Variants in NETO1 observed in about 807,000 individuals in gnomAD.
The protein encoded by NETO1 is neuropilin and tolloid-like protein 1.
Under a neutral mutation model 61.3 loss-of-function variants are expected in NETO1, and 26 were observed. The observed-to-expected ratio is 0.42, with a 90% CI of 0.31 to 0.59. NETO1 has a LOEUF of 0.59. NETO1 is among the 20% of genes least tolerant of loss of function. The pLI, the probability that NETO1 is intolerant of heterozygous loss-of-function variation, is 0.12. For synonymous variants in NETO1, 225 were observed against 225.8 expected (o/e 1.00, Z 0.03); for missense variants, 531 against 662.8 (o/e 0.80, Z 2.18).
At chr18:72,756,715 A>G (rs902598605) in intron 7 of NETO1, among the ~76,000 whole-genome samples, 1 of 152,144 alleles carries the variant, frequency 6.6e-6, no homozygotes, top group Non-Finnish European at 1.5e-5. Context: ...TTTAATATAT[A>G]TGGTGATAAA....
At chr18:72,772,823 CTCTATATATATATA>C (rs1371667346) in intron 7 of NETO1, among the ~76,000 whole-genome samples, 140 of 38,756 alleles carry the variant, frequency 3.6e-3, no homozygotes, top group Non-Finnish European at 4.8e-3. Flanking sequence ...CTCTCTCTCT[CTCTATATATATATA>C]TATATATATA....
chr18:72,825,168 A>C (rs1378161312), intron 4 of NETO1, among the ~76,000 whole-genome samples: 3 of 152,212 alleles, frequency 2.0e-5, no homozygotes, highest in Non-Finnish European at 1.5e-5. Context: ...CTTCGTAAAG[A>C]AAAACAATCT....
chr18:72,776,151 A>G (rs1052899089), intron 7 of NETO1, among the ~76,000 whole-genome samples: 2 of 152,212 alleles, frequency 1.3e-5, no homozygotes, highest in Non-Finnish European at 2.9e-5. Flanking sequence ...CTTTGTTGCA[A>G]CACAGTGGAG....
At chr18:72,787,513 T>C (rs1234605122) in intron 6 of NETO1, among the ~76,000 whole-genome samples, 1 of 152,164 alleles carries the variant, frequency 6.6e-6, no homozygotes, top group African/African-American at 2.4e-5. Context: ...TCAACAAATA[T>C]TTAAAATTTC....
intron 4 of NETO1, chr18:72,835,406 T>G: frequency 8.8e-7 from 1 of 1,132,764 alleles, no homozygotes; most frequent in Non-Finnish European, 1.3e-6. Context: ...TAACAGCTGT[T>G]TGGGTAATAC....
intron 4 of NETO1, among the ~76,000 whole-genome samples, chr18:72,843,762 T>C (rs1049325437): frequency 2.6e-5 from 4 of 152,188 alleles, no homozygotes; most frequent in African/African-American, 9.7e-5. Context: ...ATAAAGCGTA[T>C]TTTTAGGGTC....
chr18:72,789,541 T>C (rs2072043645), intron 6 of NETO1, among the ~76,000 whole-genome samples: 1 of 152,182 alleles, frequency 6.6e-6, no homozygotes, highest in African/African-American at 2.4e-5. Context: ...CTTGGTTTAT[T>C]GCATTAATAT....
intron 4 of NETO1, chr18:72,834,892 TTA>T: frequency 1.1e-5 from 9 of 830,120 alleles, no homozygotes; most frequent in Non-Finnish European, 1.3e-5. Context: ...TCGAAAAAGA[TTA>T]TATAATTATA....
chr18:72,813,653 T>C (rs1023810405), intron 4 of NETO1, among the ~76,000 whole-genome samples: 7 of 152,072 alleles, frequency 4.6e-5, no homozygotes, highest in African/African-American at 7.2e-5. Flanking sequence ...AAAATCACAG[T>C]AATTGCAATA....
chr18:72,749,175 A>G, intron 9 of NETO1, 87 bp from the exon 10 acceptor site: 2 of 842,484 alleles, frequency 2.4e-6, no homozygotes, highest in South Asian at 2.8e-5. Context: ...GCATTTTTAA[A>G]ATTCAGAAAA....
In NETO1 at chr18:72,867,896, G is replaced by C. The variant is rs955021030; in HGVS notation, c.-605C>G. Reference sequence around the variant, plus strand: ...TCCAGCGGCAGCGCTCCTCGCTCCAGCCCTTGGGGATCTTCCGCTGAGGCA... The same window carrying C: ...TCCAGCGGCAGCGCTCCTCGCTCCACCCCTTGGGGATCTTCCGCTGAGGCA... On this transcript the variant is annotated 5_prime_UTR_variant, in exon 1 of 11. Transcript: ENST00000327305. 3.3e-4 allele frequency: 51 copies of C among 152,714 alleles called. No individual in the cohort carries two copies. The highest frequency in any genetic ancestry group is 6.6e-4 in the Non-Finnish European group (45 of 68,056). The allele number at this position is 152,714 out of a possible 1,614,324, so 9.5% of individuals were successfully genotyped here. A position where few individuals can be genotyped will look rare whatever the true frequency, so the allele number is the denominator to read the frequency against.
Position 72,783,752 on chromosome 18 carries a change from C to G in NETO1, c.794G>C (p.Gly265Ala), listed in dbSNP as rs2057929347. Residue 265 changes from glycine (G) to alanine (A), a missense_variant, in exon 7 of 11, where the codon GGG becomes GCG. By Grantham distance (60) the Gly-to-Ala change is moderately conservative. Coordinates refer to ENST00000327305, the MANE Select transcript of NETO1 (RefSeq NM_138966.5). ...ANDVMLRTGL[G>A]VIRMWADEGS... ...CTCATCTGCCCACATGCGGATCACC[C>G]CAAGACCCGTGCGTAGCATGACATC... 6.2e-7 allele frequency: 1 copy of G among 1,614,170 alleles called. No homozygotes were observed. The highest frequency in any genetic ancestry group is 1.3e-5 in the African/African-American group (1 of 75,038).
chr18:72,765,285 G>A (rs532024374), intron 7 of NETO1, among the ~76,000 whole-genome samples: 1 of 152,262 alleles, frequency 6.6e-6, no homozygotes, highest in Admixed American at 6.5e-5. Flanking sequence ...ATACATACTA[G>A]GGCTTGGGCT....
chr18:72,794,268 A>G, intron 5 of NETO1, 24 bp from the exon 6 acceptor site: 1 of 1,614,092 alleles, frequency 6.2e-7, no homozygotes, highest in Non-Finnish European at 8.5e-7. Flanking sequence ...TGCCAAACAA[A>G]CACACAAAAA....
intron 4 of NETO1, among the ~76,000 whole-genome samples, chr18:72,813,662 T>TA (rs376760180): frequency 4.6e-5 from 7 of 151,870 alleles, no homozygotes; most frequent in African/African-American, 1.7e-4. Flanking sequence ...GTAATTGCAA[T>TA]AAAAAACTCA....
intron 7 of NETO1, among the ~76,000 whole-genome samples, chr18:72,764,092 C>A (rs2071073322): frequency 6.6e-6 from 1 of 152,120 alleles, no homozygotes; most frequent in African/African-American, 2.4e-5. Context: ...CCTGGTCCAG[C>A]CCTTGACACG....
At chr18:72,760,202 G>A (rs1265039340) in intron 7 of NETO1, among the ~76,000 whole-genome samples, 1 of 152,148 alleles carries the variant, frequency 6.6e-6, no homozygotes, top group Non-Finnish European at 1.5e-5. Flanking sequence ...ATTCTAGTCA[G>A]CCAAAATAAT....
chr18:72,812,317 G>A (rs540330005), intron 4 of NETO1, among the ~76,000 whole-genome samples: 1 of 152,326 alleles, frequency 6.6e-6, no homozygotes, highest in South Asian at 2.1e-4. Context: ...CTCCAAAAGA[G>A]GCAGCAGCTT....
At chr18:72,828,615 G>C (rs1179885367) in intron 4 of NETO1, among the ~76,000 whole-genome samples, 2 of 152,108 alleles carry the variant, frequency 1.3e-5, no homozygotes, top group East Asian at 3.8e-4. Context: ...AAAATTTGAA[G>C]TCACTGATCT....
Sources: allele counts gnomAD v4.1 joint callset (sites outside exome capture counted in the v4.1 genomes callset), GRCh38; gene constraint gnomAD v4.1.1; transcripts MANE v1.5; gene names NCBI Gene and HGNC (gene_info 2026-07-23, HGNC 2026-07-21).